The following ST8SIA4 variants were observed in gnomAD, a reference collection of about 807,000 sequenced individuals.
ST8SIA4 encodes ST8 alpha-N-acetyl-neuraminide alpha-2,8-sialyltransferase 4, also known as CMP-N-acetylneuraminate-poly-alpha-2,8-sialyltransferase.
In ST8SIA4, 15 loss-of-function variants were observed where a neutral mutation model predicts 33.9. The observed-to-expected ratio is 0.44, with a 90% CI of 0.30 to 0.68. ST8SIA4 has a LOEUF of 0.68. Among genes scored for constraint, ST8SIA4 ranks in the 30% least tolerant of loss-of-function variants. ST8SIA4 has a pLI of 0.10. For synonymous variants in ST8SIA4, 171 were observed against 151.2 expected (o/e 1.13, Z -0.96); for missense variants, 321 against 428.0 (o/e 0.75, Z 2.21).
At chr5:100,885,141 C>T (rs189405111) in intron 3 of ST8SIA4, among the ~76,000 whole-genome samples, 2 of 152,202 alleles carry the variant, frequency 1.3e-5, no homozygotes, top group East Asian at 3.9e-4. Context: ...ATTGCCATTC[C>T]CTCATCAAAT....
chr5:100,867,961 T>G (rs551015773), intron 3 of ST8SIA4, among the ~76,000 whole-genome samples: 2 of 151,990 alleles, frequency 1.3e-5, no homozygotes, highest in Non-Finnish European at 2.9e-5. Flanking sequence ...AGGGGATCAT[T>G]CTCAAGCTCT....
chr5:100,833,862 T>C (rs1302347416), intron 4 of ST8SIA4, among the ~76,000 whole-genome samples: 2 of 152,158 alleles, frequency 1.3e-5, no homozygotes, highest in African/African-American at 4.8e-5. Flanking sequence ...TCCTCACTCA[T>C]CTTGCACTTA....
chr5:100,895,701 G>A lies in ST8SIA4; in HGVS notation c.198C>T (p.His66=). 1 of 1,612,772 alleles carries A rather than the reference G, an allele frequency of 6.2e-7. No homozygotes were observed. The highest frequency in any genetic ancestry group is 8.5e-7 in the Non-Finnish European group (1 of 1,179,102). Residue 66 remains histidine (H), a synonymous_variant, in exon 2 of 5, where the codon CAC becomes CAT. Transcript: ENST00000231461. The stretch of plus-strand genomic sequence containing the variant: ...AATTGATTTTCCAACCTTCTACATT[G>A]TGCTGGAAGATTGAAGAGCCAGCCT... ...IRKAGSSIFQ[H]NVEGWKINSS... is the part of the protein sequence containing the mutation.
rs1752963663 is a variant in ST8SIA4 at position 100,903,155 on chromosome 5, C to T, written c.-200G>A. ...CCTCGAACGCTGCCCAGCGACCTCT[C>T]GCCCTGTTTGCGCCAGCTCTGCCAG... is the stretch of plus-strand genomic sequence containing the variant. On this transcript the variant is annotated 5_prime_UTR_variant, in exon 1 of 5. Coordinates refer to ENST00000231461, the MANE Select transcript of ST8SIA4 (RefSeq NM_005668.6). 3 of 580,014 alleles carry T rather than the reference C, an allele frequency of 5.2e-6. No homozygotes were observed. Among genetic ancestry groups the T allele is most frequent in the Non-Finnish European group, 9.2e-6 (3 of 327,134 alleles). The allele number at this position is 580,014 out of a possible 1,614,324, so 35.9% of individuals were successfully genotyped here. A position where few individuals can be genotyped will look rare whatever the true frequency, so the allele number is the denominator to read the frequency against.
In ST8SIA4 at chr5:100,895,694, C is replaced by T. The variant is rs1752764602; in HGVS notation, c.205G>A (p.Glu69Lys). The T allele has an allele frequency of 1.2e-6, 2 of 1,612,180 alleles. No homozygotes were observed. Among genetic ancestry groups the T allele is most frequent in the Non-Finnish European group, 1.7e-6 (2 of 1,178,902 alleles). The part of the protein sequence containing the change: ...AGSSIFQHNV[E>K]GWKINSSLVL... ...AAAGAGGAATTGATTTTCCAACCTT[C>T]TACATTGTGCTGGAAGATTGAAGAG... The change falls in exon 2 of 5, where the codon GAA becomes AAA. Residue 69 changes from glutamate to lysine, a missense_variant. By Grantham distance (56) the Glu-to-Lys change is moderately conservative. Coordinates refer to ENST00000231461, the MANE Select transcript of ST8SIA4 (RefSeq NM_005668.6).
chr5:100,847,008 A>C (rs770228748), intron 4 of ST8SIA4, among the ~76,000 whole-genome samples: 12 of 152,152 alleles, frequency 7.9e-5, no homozygotes, highest in Non-Finnish European at 1.5e-4. Flanking sequence ...GGAAGTGTGC[A>C]TATCAGAGTC....
At chr5:100,888,711 A>G (rs1019231377) in intron 2 of ST8SIA4, among the ~76,000 whole-genome samples, 3 of 151,958 alleles carry the variant, frequency 2.0e-5, no homozygotes, top group African/African-American at 7.2e-5. Flanking sequence ...CAGAAGGCAT[A>G]AGCATGATTA....
chr5:100,862,404 C>A (rs746421143), intron 3 of ST8SIA4, among the ~76,000 whole-genome samples: 3 of 151,860 alleles, frequency 2.0e-5, no homozygotes, highest in Non-Finnish European at 2.9e-5. Flanking sequence ...TTCTTTATTT[C>A]TTTATTTATT....
intron 3 of ST8SIA4, among the ~76,000 whole-genome samples, chr5:100,865,605 T>A (rs1580470432): frequency 6.6e-6 from 1 of 152,158 alleles, no homozygotes; most frequent in East Asian, 1.9e-4. Flanking sequence ...TTGAAAACCA[T>A]TACCTGTAGT....
At chr5:100,892,282 A>C (rs1390736165) in intron 2 of ST8SIA4, among the ~76,000 whole-genome samples, 1 of 152,194 alleles carries the variant, frequency 6.6e-6, no homozygotes, top group Non-Finnish European at 1.5e-5. Context: ...TATTCACAAC[A>C]TTTAATGCAT....
chr5:100,866,047 C>T (rs1000330015), intron 3 of ST8SIA4, among the ~76,000 whole-genome samples: 2 of 152,094 alleles, frequency 1.3e-5, no homozygotes, highest in Non-Finnish European at 2.9e-5. Context: ...GACACATGGG[C>T]CTGGCCAATA....
intron 3 of ST8SIA4, among the ~76,000 whole-genome samples, chr5:100,864,371 G>C (rs886749048): frequency 1.7e-4 from 26 of 151,764 alleles, no homozygotes; most frequent in Non-Finnish European, 2.9e-4. Flanking sequence ...TCAGGAGATC[G>C]AGACTATCCT....
chr5:100,887,985 G>A (rs1752576679), intron 2 of ST8SIA4, among the ~76,000 whole-genome samples: 1 of 151,916 alleles, frequency 6.6e-6, no homozygotes, highest in Admixed American at 6.6e-5. Context: ...AGCCATCCAG[G>A]CAGCAAAAGG....
chr5:100,843,810 T>A (rs1393155859), intron 4 of ST8SIA4, among the ~76,000 whole-genome samples: 1 of 151,910 alleles, frequency 6.6e-6, no homozygotes, highest in African/African-American at 2.4e-5. Flanking sequence ...CCAAAACATG[T>A]TCATAGGGCC....
chr5:100,814,326 G>A (rs914625477), intron 4 of ST8SIA4, among the ~76,000 whole-genome samples: 1 of 151,898 alleles, frequency 6.6e-6, no homozygotes, highest in Admixed American at 6.6e-5. Context: ...AAAACTTTTT[G>A]TGGTCTTGTT....
chr5:100,880,813 G>T (rs921817117), intron 3 of ST8SIA4, among the ~76,000 whole-genome samples: 2 of 152,028 alleles, frequency 1.3e-5, no homozygotes, highest in African/African-American at 4.8e-5. Flanking sequence ...AAGAAAAAGG[G>T]GTCAAGGCAC....
At chr5:100,849,350 C>T (rs1050701961) in intron 4 of ST8SIA4, 53 of 985,294 alleles carry the variant, frequency 5.4e-5, no homozygotes, top group Non-Finnish European at 6.4e-5. Context: ...TTGTTTTCGT[C>T]TTCCTTGGAA....
chr5:100,821,155 CA>C (rs1751024275), intron 4 of ST8SIA4, among the ~76,000 whole-genome samples: 1 of 151,668 alleles, frequency 6.6e-6, no homozygotes, highest in Non-Finnish European at 1.5e-5. Flanking sequence ...TTTTGAAAAT[CA>C]AAAACCATGG....
Position 100,814,921 on chromosome 5 carries a change from AT to A in ST8SIA4, c.798-2793del, listed in dbSNP as rs996328495. Among the ~76,000 whole-genome samples the A allele has an allele frequency of 1.6e-4, 24 of 152,140 alleles. 1 individual carries two copies. The highest frequency in any genetic ancestry group is 1.5e-3 in the Admixed American group (23 of 15,302). ...TGTATCTACCTATACACAATTTGAT[AT>A]TTGAAAACTGCAAATTTTTATGGAG... is the stretch of plus-strand genomic sequence containing the variant. On this transcript the variant is annotated intron_variant, in intron 4 of 4. Coordinates refer to ENST00000231461, the MANE Select transcript of ST8SIA4 (RefSeq NM_005668.6).
Sources: gnomAD v4.1 joint callset for allele counts (sites outside exome capture counted in the v4.1 genomes callset) on GRCh38, gnomAD v4.1.1 for gene constraint, MANE v1.5 for transcripts, NCBI Gene and HGNC (gene_info 2026-07-23, HGNC 2026-07-21) for gene names.